Variants in ARHGAP18 observed in about 807,000 individuals in gnomAD.
The protein encoded by ARHGAP18 is Rho GTPase activating protein 18.
Under a neutral mutation model 86.2 loss-of-function variants are expected in ARHGAP18, and 67 were observed. The ratio of observed to expected loss-of-function variants is 0.78; its 90% CI spans 0.64 to 0.95. ARHGAP18 has a LOEUF of 0.95. Ranked by LOEUF, ARHGAP18 falls within the 40% of genes least tolerant of loss-of-function variation. ARHGAP18 has a pLI of 0.00. For missense variants in ARHGAP18, 691 were observed against 780.4 expected, an observed-to-expected ratio of 0.89 and a Z score of 1.37; for synonymous variants, 283 against 280.4, an observed-to-expected ratio of 1.01 and a Z score of -0.09.
chr6:129,649,506 A>T (rs1773656888), intron 1 of ARHGAP18, among the ~76,000 whole-genome samples: 1 of 145,914 alleles, frequency 6.9e-6, no homozygotes, highest in Non-Finnish European at 1.5e-5. Flanking sequence ...GTGAGCCAAG[A>T]TCATGCCACT....
chr6:129,673,697 A>G (rs766815643), intron 1 of ARHGAP18, among the ~76,000 whole-genome samples: 31 of 152,188 alleles, frequency 2.0e-4, no homozygotes, highest in Non-Finnish European at 3.4e-4. Flanking sequence ...ATTAATGTAC[A>G]TCAGTTAACT....
At chr6:129,611,685 C>T (rs1788983916) in intron 7 of ARHGAP18, 75 bp from the exon 8 acceptor site, 2 of 1,275,874 alleles carry the variant, frequency 1.6e-6, no homozygotes, top group Non-Finnish European at 1.1e-6. Flanking sequence ...ATCTGTTTCA[C>T]ATATAAATAA....
chr6:129,649,989 C>T (rs1209360702), intron 1 of ARHGAP18, among the ~76,000 whole-genome samples: 5 of 149,836 alleles, frequency 3.3e-5, no homozygotes, highest in Non-Finnish European at 5.9e-5. Flanking sequence ...CTCGGCTCAC[C>T]ACAACCTCCA....
At chr6:129,614,838 A>G (rs1170022049) in intron 7 of ARHGAP18, among the ~76,000 whole-genome samples, 1 of 151,462 alleles carries the variant, frequency 6.6e-6, no homozygotes, top group Non-Finnish European at 1.5e-5. Flanking sequence ...GGCCTCATCC[A>G]AACAGTTGAA....
At chr6:129,675,362 C>T (rs1348889212) in intron 1 of ARHGAP18, among the ~76,000 whole-genome samples, 1 of 132,396 alleles carries the variant, frequency 7.6e-6, no homozygotes, top group Non-Finnish European at 1.6e-5. Flanking sequence ...CCAGCCTGGG[C>T]AACAGAGCGA....
At chr6:129,599,153 AAATTTTGGTATTAAAAAAATACT>A (rs145578474) in intron 12 of ARHGAP18, 40 bp downstream of exon 12, 170,752 of 1,351,290 alleles carry the variant, frequency 0.13, 11,027 homozygotes, top group Middle Eastern at 0.19. Context: ...ATTAAATAAA[AAATTTTGGTATTAAAAAAATACT>A]TAAGATCTGA....
At chr6:129,585,550 A>T (rs1788380461) in intron 12 of ARHGAP18, among the ~76,000 whole-genome samples, 1 of 152,212 alleles carries the variant, frequency 6.6e-6, no homozygotes, top group South Asian at 2.1e-4. Context: ...ACTGCAAACA[A>T]CAGCTAGACC....
At chr6:129,592,406 G>A (rs1788535356) in intron 12 of ARHGAP18, among the ~76,000 whole-genome samples, 1 of 152,126 alleles carries the variant, frequency 6.6e-6, no homozygotes, top group African/African-American at 2.4e-5. Context: ...TTCTTCCAGT[G>A]GTAGCAACAG....
At chr6:129,667,470 T>TGC (rs1774062301) in intron 1 of ARHGAP18, among the ~76,000 whole-genome samples, 1 of 58,132 alleles carries the variant, frequency 1.7e-5, no homozygotes, top group African/African-American at 6.7e-5. Context: ...AAAATATATA[T>TGC]GTGTGTGTGT....
intron 7 of ARHGAP18, among the ~76,000 whole-genome samples, chr6:129,613,973 A>G (rs1180430318): frequency 1.3e-5 from 2 of 152,208 alleles, no homozygotes; most frequent in African/African-American, 4.8e-5. Context: ...AGTATGGCTG[A>G]GTTGGCTGAT....
chr6:129,709,928 G>C, intron 1 of ARHGAP18, 96 bp downstream of exon 1: 1 of 963,350 alleles, frequency 1.0e-6, no homozygotes, highest in South Asian at 1.5e-5. Flanking sequence ...TCGACGTGCA[G>C]ATGGAATTCC....
At chr6:129,657,471 T>A (rs1185453821) in intron 1 of ARHGAP18, among the ~76,000 whole-genome samples, 2 of 150,310 alleles carry the variant, frequency 1.3e-5, no homozygotes, top group African/African-American at 4.9e-5. Flanking sequence ...TGGGCCAGAC[T>A]GGACAGGAGC....
intron 1 of ARHGAP18, among the ~76,000 whole-genome samples, chr6:129,678,919 A>C (rs529422356): frequency 6.6e-6 from 1 of 152,350 alleles, no homozygotes; most frequent in South Asian, 2.1e-4. Flanking sequence ...AGCATATCAC[A>C]AACAGAAAAC....
chr6:129,618,198 G>C (rs1042528219), intron 6 of ARHGAP18, among the ~76,000 whole-genome samples: 1 of 151,904 alleles, frequency 6.6e-6, no homozygotes, highest in Non-Finnish European at 1.5e-5. Flanking sequence ...TTCTTAATAG[G>C]GGAAAGAATG....
In ARHGAP18 at chr6:129,710,104, T is replaced by C. The variant is rs2114564321; in HGVS notation, c.33A>G (p.Val11=). The C allele has an allele frequency of 1.2e-6, 2 of 1,613,992 alleles. No homozygotes were observed. Among genetic ancestry groups the C allele is most frequent in the Non-Finnish European group, 8.5e-7 (1 of 1,179,904 alleles). Reference sequence around the variant, plus strand: ...TGCCGCTGGGGTGGTAGGCTGTTAGTACCACTCCCTGGGAACTGGAGAGCC... The same window carrying C: ...TGCCGCTGGGGTGGTAGGCTGTTAGCACCACTCCCTGGGAACTGGAGAGCC... MSWLSSSQGV[V]LTAYHPSGKD... is the part of the protein sequence containing the mutation. The change falls in exon 1 of 15, where the codon GTA becomes GTG. Residue 11 remains valine, a synonymous_variant. Coordinates refer to ENST00000368149, the MANE Select transcript of ARHGAP18 (RefSeq NM_033515.3).
intron 5 of ARHGAP18, among the ~76,000 whole-genome samples, chr6:129,625,645 T>C (rs1789411145): frequency 1.2e-5 from 1 of 80,520 alleles, no homozygotes. Flanking sequence ...TTATATTATA[T>C]ATTTATATAT....
In ARHGAP18 at chr6:129,578,378, G is replaced by T; in HGVS notation, c.*135C>A. On this transcript the variant is annotated 3_prime_UTR_variant, in exon 15 of 15. Transcript: ENST00000368149. Reference sequence around the variant, plus strand: ...GCAGCACAAATCTATGACTTTTTAAGGCTTAAGAGAGTCATTTTTAAATAC... The same window carrying T: ...GCAGCACAAATCTATGACTTTTTAATGCTTAAGAGAGTCATTTTTAAATAC... 2.1e-6 allele frequency: 1 copy of T among 465,820 alleles called. No individual in the cohort carries two copies. The highest frequency in any genetic ancestry group is 3.6e-6 in the Non-Finnish European group (1 of 274,130). The allele number at this position is 465,820 out of a possible 1,614,324, so 28.9% of individuals were successfully genotyped here. A position where few individuals can be genotyped will look rare whatever the true frequency, so the allele number is the denominator to read the frequency against.
chr6:129,702,054 C>T (rs565054879), intron 1 of ARHGAP18, among the ~76,000 whole-genome samples: 2 of 152,294 alleles, frequency 1.3e-5, no homozygotes, highest in East Asian at 1.9e-4. Flanking sequence ...CCTCATTTCC[C>T]ATAAGGAAAC....
intron 10 of ARHGAP18, 116 bp downstream of exon 10, chr6:129,605,761 C>G (rs902569659): frequency 1.1e-6 from 1 of 933,902 alleles, no homozygotes; most frequent in African/African-American, 1.7e-5. Flanking sequence ...TAGGCTTTTT[C>G]TTTATAGACT....
Sources: gnomAD v4.1 joint callset for allele counts (sites outside exome capture counted in the v4.1 genomes callset) on GRCh38, gnomAD v4.1.1 for gene constraint, MANE v1.5 for transcripts, NCBI Gene and HGNC (gene_info 2026-07-23, HGNC 2026-07-21) for gene names.